ESRRB: variants seen among roughly 807,000 people sequenced by gnomAD.
ESRRB encodes the protein estrogen related receptor beta.
A neutral mutation model predicts 46.0 loss-of-function variants in ESRRB; 16 were observed. The ratio of observed to expected loss-of-function variants is 0.35; its 90% CI spans 0.24 to 0.53. The LOEUF (loss-of-function observed/expected upper bound fraction) is 0.53, where lower values mean the gene tolerates loss of function less well. ESRRB is among the 20% of genes least tolerant of loss of function. The pLI is 0.93. For missense variants in ESRRB, 488 were observed against 607.4 expected (o/e 0.80, Z 2.07); for synonymous variants, 246 against 259.6 (o/e 0.95, Z 0.50).
intron 3 of ESRRB, among the ~76,000 whole-genome samples, chr14:76,475,071 A>C (rs1889524765): frequency 6.6e-6 from 1 of 152,020 alleles, no homozygotes; most frequent in Non-Finnish European, 1.5e-5. Flanking sequence ...CTTTGCAAAA[A>C]AATTTTTAAA....
intron 1 of ESRRB, among the ~76,000 whole-genome samples, chr14:76,364,607 G>A (rs981583446): frequency 2.0e-5 from 3 of 151,846 alleles, no homozygotes; most frequent in Non-Finnish European, 4.4e-5. Context: ...TGGGAAAATT[G>A]CTTGAACCTG....
intron 1 of ESRRB, among the ~76,000 whole-genome samples, chr14:76,315,714 A>C (rs73314664): frequency 0.01 from 1,534 of 152,258 alleles, 23 homozygotes; most frequent in African/African-American, 0.035. Flanking sequence ...CTAAGGGGAT[A>C]TTTTTCCTGA....
chr14:76,446,429 G>C (rs1888152873), intron 2 of ESRRB, among the ~76,000 whole-genome samples: 1 of 151,338 alleles, frequency 6.6e-6, no homozygotes, highest in Non-Finnish European at 1.5e-5. Flanking sequence ...CACTCACTGA[G>C]AATAGATGAG....
intron 1 of ESRRB, among the ~76,000 whole-genome samples, chr14:76,315,157 G>A (rs1883784223): frequency 6.6e-6 from 1 of 152,054 alleles, no homozygotes; most frequent in Non-Finnish European, 1.5e-5. Context: ...CTCCTTTCAA[G>A]TCAAGGTGGC....
chr14:76,350,303 C>T (rs910046654), intron 1 of ESRRB, among the ~76,000 whole-genome samples: 3 of 152,342 alleles, frequency 2.0e-5, no homozygotes, highest in Admixed American at 6.5e-5. Flanking sequence ...GCCTAGCTTC[C>T]TTTGATCATA....
chr14:76,391,500 G>A (rs1885468830), intron 1 of ESRRB, among the ~76,000 whole-genome samples: 1 of 152,240 alleles, frequency 6.6e-6, no homozygotes, highest in Non-Finnish European at 1.5e-5. Flanking sequence ...CATTGCTGGG[G>A]TCTGCTTCTG....
intron 1 of ESRRB, among the ~76,000 whole-genome samples, chr14:76,332,883 A>G (rs868354042): frequency 1.4e-4 from 3 of 21,980 alleles, no homozygotes; most frequent in African/African-American, 5.1e-4. Context: ...TTTTTTATAT[A>G]TTATATATTT....
upstream of ESRRB, among the ~76,000 whole-genome samples, chr14:76,367,644 TG>T (rs1234960643): frequency 6.6e-6 from 1 of 151,850 alleles, no homozygotes; most frequent in East Asian, 1.9e-4. Context: ...CCTGAACTTC[TG>T]GGTGCCATCA....
At chr14:76,336,447 G>C (rs1165605754) in intron 1 of ESRRB, among the ~76,000 whole-genome samples, 1 of 152,228 alleles carries the variant, frequency 6.6e-6, no homozygotes, top group African/African-American at 2.4e-5. Flanking sequence ...TTGGATGAAG[G>C]GGCAGAAAGG....
intron 1 of ESRRB, among the ~76,000 whole-genome samples, chr14:76,365,932 C>T (rs79243273): frequency 0.11 from 16,517 of 152,202 alleles, 1,160 homozygotes; most frequent in East Asian, 0.24. Flanking sequence ...CGCTGACATC[C>T]GGTCTCCTTC....
upstream of ESRRB, among the ~76,000 whole-genome samples, chr14:76,367,636 T>C (rs1884539133): frequency 6.6e-6 from 1 of 151,816 alleles, no homozygotes; most frequent in Non-Finnish European, 1.5e-5. Context: ...GCTGCCCTCC[T>C]GAACTTCTGG....
At position 76,498,101 on chromosome 14, in the gene ESRRB, G is replaced by A; in HGVS notation, c.1121-113G>A. 11 of 1,249,584 alleles carry A rather than the reference G, an allele frequency of 8.8e-6. No homozygotes were observed. In the East Asian group the frequency reaches 1.4e-4, roughly 16 times the overall value. The allele number at this position is 1,249,584 out of a possible 1,614,324, so 77.4% of individuals were successfully genotyped here. On this transcript the variant is annotated intron_variant, in intron 6 of 6. Transcript: ENST00000644823. ...CAGATTGGCTCTCTGTGAAGAGAGG[G>A]TTCTGAAGATACCCCTGCCTGCCTC...
intron 1 of ESRRB, among the ~76,000 whole-genome samples, chr14:76,407,879 G>T (rs948292909): frequency 1.3e-5 from 2 of 152,168 alleles, no homozygotes; most frequent in African/African-American, 2.4e-5. Flanking sequence ...AGCCTAATTT[G>T]CTTGTGCCAG....
intron 2 of ESRRB, among the ~76,000 whole-genome samples, chr14:76,458,419 C>T (rs1428681661): frequency 6.8e-6 from 1 of 147,646 alleles, no homozygotes; most frequent in African/African-American, 2.6e-5. Context: ...TTAGGTCTCT[C>T]TCTCTGACAC....
chr14:76,498,699 C>T lies in ESRRB; in HGVS notation c.*241C>T. ...GTAACTGGCTTTTTCTTTGGTATGT[C>T]TTTCCTTCTCCATGGACGGTGCGGA... On this transcript the variant is annotated 3_prime_UTR_variant, in exon 7 of 7. Coordinates refer to ENST00000644823, the MANE Select transcript of ESRRB (RefSeq NM_001379180.1). 1 of 1,384,078 alleles carries T rather than the reference C, an allele frequency of 7.2e-7. No individual in the cohort carries two copies. Among genetic ancestry groups the T allele is most frequent in the Non-Finnish European group, 1.0e-6 (1 of 989,524 alleles). The allele number at this position is 1,384,078 out of a possible 1,614,324, so 85.7% of individuals were successfully genotyped here.
In ESRRB at chr14:76,376,297, C is replaced by T; in HGVS notation, c.-105C>T. On this transcript the variant is annotated 5_prime_UTR_variant, in exon 1 of 7. Transcript: ENST00000644823. The surrounding 1 kb of genome is among the most constrained non-coding windows in gnomAD (Gnocchi z 4.1). ...CTCCCACTCTGCGTTCTCGCGCTCA[C>T]TGTGCCCTGCCCGGGCTCGCACCTT... The T allele has an allele frequency of 1.1e-6, 1 of 909,218 alleles. No homozygotes were observed. The allele number at this position is 909,218 out of a possible 1,614,324, so 56.3% of individuals were successfully genotyped here. A position where few individuals can be genotyped will look rare whatever the true frequency, so the allele number is the denominator to read the frequency against.
chr14:76,318,621 G>C (rs766613417), intron 1 of ESRRB, among the ~76,000 whole-genome samples: 22 of 152,114 alleles, frequency 1.4e-4, no homozygotes, highest in Non-Finnish European at 2.5e-4. Context: ...GTAAAATATG[G>C]GTTATAAGAA....
chr14:76,472,879 C>T (rs751486991), intron 3 of ESRRB, among the ~76,000 whole-genome samples: 4 of 152,298 alleles, frequency 2.6e-5, no homozygotes, highest in Admixed American at 6.5e-5. Flanking sequence ...ATTGAAAAAA[C>T]GGGTTTAGCA....
rs1889279221 is a variant in ESRRB, at chr14:76,469,777, C to A, written c.577+7116C>A. 2.0e-5 allele frequency among the ~76,000 whole-genome samples: 3 copies of A among 152,116 alleles called. No individual in the cohort carries two copies. In the South Asian group the frequency reaches 6.2e-4, roughly 32 times the overall value. On this transcript the variant is annotated intron_variant, in intron 3 of 6. Coordinates refer to ENST00000644823, the MANE Select transcript of ESRRB (RefSeq NM_001379180.1). ...CCACTGTCTTTCTCAACAAAACCTC[C>A]TAAAGGAATTGACAGCACTTGCTAT... is the stretch of plus-strand genomic sequence containing the variant.
Sources: gnomAD v4.1 joint callset for allele counts (sites outside exome capture counted in the v4.1 genomes callset) on GRCh38, gnomAD v4.1.1 for gene constraint, Gnocchi (gnomAD v3.1) non-coding constraint, MANE v1.5 for transcripts, NCBI Gene and HGNC (gene_info 2026-07-23, HGNC 2026-07-21) for gene names.